Variants in MPRIP observed in about 807,000 individuals in gnomAD.
MPRIP encodes the protein myosin phosphatase Rho interacting protein.
Under a neutral mutation model 234.9 loss-of-function variants are expected in MPRIP, and 59 were observed. The ratio of observed to expected loss-of-function variants is 0.25; its 90% confidence interval spans 0.20 to 0.31. The LOEUF (loss-of-function observed/expected upper bound fraction) is 0.31, where lower values mean the gene tolerates loss of function less well. MPRIP is among the 10% of genes least tolerant of loss of function. MPRIP has a pLI of 1.00. For missense variants in MPRIP, 2,436 were observed against 3,071.0 expected, an observed-to-expected ratio of 0.79 and a Z score of 4.89; for synonymous variants, 1,144 against 1,263.9, an observed-to-expected ratio of 0.91 and a Z score of 2.01.
Position 17,164,366 on chromosome 17 carries a change from C to A in MPRIP, c.2775C>A (p.Gly925=). The A allele has an allele frequency of 4.6e-6, 6 of 1,296,898 alleles. No homozygotes were observed. Among genetic ancestry groups the A allele is most frequent in the Non-Finnish European group, 6.1e-6 (6 of 987,422 alleles). The allele number at this position is 1,296,898 out of a possible 1,614,324, so 80.3% of individuals were successfully genotyped here. ...IKEQALAKLK[G]DLKREQGRVR... ...AGCAGGCGCTGGCCAAGCTCAAGGG[C>A]GACCTGAAGCGGGAGCAGGGCCGGG... is the stretch of plus-strand genomic sequence containing the variant. The change falls in exon 16 of 24, where the codon GGC becomes GGA. Residue 925 remains glycine (G), a synonymous_variant. Transcript: ENST00000651222.
In MPRIP at chr17:17,176,490, A is replaced by T; in HGVS notation, c.6935A>T (p.Asp2312Val). 1.2e-6 allele frequency: 2 copies of T among 1,614,130 alleles called. No homozygotes were observed. The highest frequency in any genetic ancestry group is 1.7e-6 in the Non-Finnish European group (2 of 1,179,974). ...YLKQEISSLK[D>V]ELQTALRDKK... The stretch of plus-strand genomic sequence containing the variant: ...AAACAGGAGATTAGCTCCCTCAAGG[A>T]TGAGCTGCAGACGGCACTGCGGGTA... The change falls in exon 21 of 24, where the codon GAT (aspartate) becomes GTT (valine). Residue 2312 changes from aspartate to valine, a missense_variant. By Grantham distance (152) the Asp-to-Val change is radical. Coordinates refer to ENST00000651222, the MANE Select transcript of MPRIP (RefSeq NM_001364716.4).
At chr17:17,072,900 TCCTTA>T (rs1418590276) in intron 1 of MPRIP, among the ~76,000 whole-genome samples, 1 of 152,046 alleles carries the variant, frequency 6.6e-6, no homozygotes, top group African/African-American at 2.4e-5. Context: ...ATCTATGGGG[TCCTTA>T]CCTTCAGGGC....
At chr17:17,161,157 G>T (rs186970415) in intron 14 of MPRIP, 83 bp from the exon 15 acceptor site, 132 of 908,118 alleles carry the variant, frequency 1.5e-4, no homozygotes, top group Non-Finnish European at 2.0e-4. Flanking sequence ...CCACATGGAA[G>T]ACCAGTGAAA....
At position 17,138,515 on chromosome 17, in the gene MPRIP, C is replaced by G. The variant is rs1219589027; in HGVS notation, c.1250+86C>G. 1 of 158,840 alleles carries G rather than the reference C, an allele frequency of 6.3e-6. No homozygotes were observed. The highest frequency in any genetic ancestry group is 1.4e-5 in the Non-Finnish European group (1 of 72,726). The allele number at this position is 158,840 out of a possible 1,614,324, so 9.8% of individuals were successfully genotyped here. ...ACATACACTCATACTCTCTGTTTCT[C>G]TCACATACAGTCCCCAAGCCTCCCT... is the stretch of plus-strand genomic sequence containing the variant. On this transcript the variant is annotated intron_variant, in intron 7 of 23. Transcript: ENST00000651222. The surrounding 1 kb of genome is among the most constrained non-coding windows in gnomAD (Gnocchi z 5.8).
chr17:17,192,374 T>C lies in MPRIP; in HGVS notation c.*7480T>C, dbSNP rs2046605772. Reference sequence around the variant, plus strand: ...CCCCGGGGTAGGGTGGGCCATCCACTGTCAGGCCAGTGTCTCAAGAAAGCC... The same window carrying C: ...CCCCGGGGTAGGGTGGGCCATCCACCGTCAGGCCAGTGTCTCAAGAAAGCC... On this transcript the variant is annotated 3_prime_UTR_variant, in exon 24 of 24. Transcript: ENST00000651222. 7.9e-6 allele frequency: 1 copy of C among 126,232 alleles called. No individual in the cohort carries two copies. Among genetic ancestry groups the C allele is most frequent in the Non-Finnish European group, 1.6e-5 (1 of 63,792 alleles). The allele number at this position is 126,232 out of a possible 1,614,324, so 7.8% of individuals were successfully genotyped here. A position where few individuals can be genotyped will look rare whatever the true frequency, so the allele number is the denominator to read the frequency against.
chr17:17,053,556 G>C (rs1233464493), intron 1 of MPRIP, among the ~76,000 whole-genome samples: 1 of 152,162 alleles, frequency 6.6e-6, no homozygotes. Context: ...TAGCATGCTG[G>C]CCCATCTGCT....
At chr17:17,137,772 C>G (rs1168127118) in intron 6 of MPRIP, 144 bp from the exon 7 acceptor site, 2 of 576,230 alleles carry the variant, frequency 3.5e-6, no homozygotes, top group African/African-American at 1.9e-5. Flanking sequence ...TCACTCTGCC[C>G]TTGAGTGGGG....
chr17:17,058,650 G>C (rs1288991699), intron 1 of MPRIP, among the ~76,000 whole-genome samples: 1 of 152,220 alleles, frequency 6.6e-6, no homozygotes, highest in East Asian at 1.9e-4. Flanking sequence ...CACCAAGGCA[G>C]AGGTCCGCAT....
chr17:17,065,378 A>G (rs1288482446), intron 1 of MPRIP, among the ~76,000 whole-genome samples: 8 of 125,282 alleles, frequency 6.4e-5, no homozygotes, highest in Non-Finnish European at 1.3e-4. Flanking sequence ...TCAGCTTGAG[A>G]TGATTTTTTT....
At chr17:17,113,009 TCTCACTAGCTCCCATGAGC>T (rs1597824803) in intron 3 of MPRIP, among the ~76,000 whole-genome samples, 1 of 152,226 alleles carries the variant, frequency 6.6e-6, no homozygotes, top group East Asian at 1.9e-4. Context: ...GAACTTGGGG[TCTCACTAGCTCCCATGAGC>T]TTTGGGAGCT....
intron 7 of MPRIP, among the ~76,000 whole-genome samples, chr17:17,139,386 A>G (rs763860065): frequency 5.9e-5 from 9 of 152,156 alleles, no homozygotes; most frequent in South Asian, 2.1e-4. Flanking sequence ...CAATAAAACA[A>G]TTTCACAGTA....
At chr17:17,088,953 C>G (rs779105552) in intron 3 of MPRIP, among the ~76,000 whole-genome samples, 34 of 152,220 alleles carry the variant, frequency 2.2e-4, no homozygotes, top group Non-Finnish European at 4.0e-4. Flanking sequence ...GTCAGCAGCA[C>G]AGGGACCTTA....
chr17:17,137,274 G>A (rs912500941), intron 6 of MPRIP, among the ~76,000 whole-genome samples: 6 of 152,178 alleles, frequency 3.9e-5, no homozygotes, highest in Non-Finnish European at 8.8e-5. Flanking sequence ...AGCACTTTGG[G>A]AGGCTGAGGC....
intron 3 of MPRIP, among the ~76,000 whole-genome samples, chr17:17,114,482 T>G (rs776301992): frequency 3.9e-5 from 6 of 152,220 alleles, no homozygotes; most frequent in Non-Finnish European, 5.9e-5. Flanking sequence ...AAGAAATGGT[T>G]GCTAAATCCA....
chr17:17,082,944 C>T (rs2089499278), intron 3 of MPRIP, among the ~76,000 whole-genome samples: 2 of 152,348 alleles, frequency 1.3e-5, no homozygotes, highest in Middle Eastern at 3.4e-3. Context: ...TTTCCTCCCT[C>T]CTGATTGTGG....
At chr17:17,080,964 G>A (rs1324564476) in intron 3 of MPRIP, among the ~76,000 whole-genome samples, 113 of 152,146 alleles carry the variant, frequency 7.4e-4, no homozygotes, top group Admixed American at 7.4e-3. Context: ...GTGTGTGTGT[G>A]TACCAGGGAG....
intron 2 of MPRIP, 62 bp downstream of exon 2, chr17:17,075,849 C>T: frequency 6.7e-7 from 1 of 1,501,130 alleles, no homozygotes; most frequent in Non-Finnish European, 9.3e-7. Context: ...TAAGGGTGAA[C>T]TGGCAGAGTG....
At chr17:17,183,570 A>G (rs115409812) in intron 23 of MPRIP, among the ~76,000 whole-genome samples, 3,458 of 152,340 alleles carry the variant, frequency 0.023, 104 homozygotes, top group Middle Eastern at 0.085. Flanking sequence ...TAAAAATCAC[A>G]TTGTTTATTT....
rs1272816513 is a variant in MPRIP at position 17,166,126 on chromosome 17, T to C, written c.4535T>C (p.Leu1512Pro). 1.5e-6 allele frequency: 2 copies of C among 1,300,000 alleles called. No homozygotes were observed. Among genetic ancestry groups the C allele is most frequent in the Non-Finnish European group, 2.0e-6 (2 of 986,202 alleles). 80.5% of individuals were successfully genotyped at this position (1,300,000 alleles called of 1,614,324 possible). Residue 1512 changes from leucine to proline, a missense_variant, in exon 16 of 24, where the codon CTC becomes CCC. By Grantham distance (98) the Leu-to-Pro change is moderately conservative. Coordinates refer to ENST00000651222, the MANE Select transcript of MPRIP (RefSeq NM_001364716.4). The surrounding 1 kb of genome is among the most constrained non-coding windows in gnomAD (Gnocchi z 4.4). ...AASLASVESA[L>P]VSAIQALQHW... is the part of the protein sequence containing the mutation. ...TCCCTGGCCAGTGTGGAGAGTGCAC[T>C]CGTCAGCGCCATCCAAGCCCTGCAG...
Sources: gnomAD v4.1 joint callset for allele counts (sites outside exome capture counted in the v4.1 genomes callset) on GRCh38, gnomAD v4.1.1 for gene constraint, Gnocchi (gnomAD v3.1) non-coding constraint, MANE v1.5 for transcripts, NCBI Gene and HGNC (gene_info 2026-07-23, HGNC 2026-07-21) for gene names.